Variants in CAPZB observed in about 807,000 individuals in gnomAD.
CAPZB encodes the protein capping actin protein of muscle Z-line subunit beta, also known as F-actin-capping protein subunit beta.
Under a neutral mutation model 38.1 loss-of-function variants are expected in CAPZB, and 2 were observed. The ratio of observed to expected loss-of-function variants is 0.05; its 90% confidence interval spans 0.02 to 0.17. CAPZB has a LOEUF of 0.17. CAPZB is among the 10% of genes least tolerant of loss of function. The pLI is 1.00. For missense variants in CAPZB, 161 were observed against 334.2 expected, an observed-to-expected ratio of 0.48 and a Z score of 4.04; for synonymous variants, 107 against 127.4, an observed-to-expected ratio of 0.84 and a Z score of 1.08.
Position 19,388,304 on chromosome 1 carries a change from T to G in CAPZB, c.94-2678A>C, listed in dbSNP as rs550086204. 1.8e-3 allele frequency among the ~76,000 whole-genome samples: 275 copies of G among 152,276 alleles called. 1 individual carries two copies. The highest frequency in any genetic ancestry group is 3.3e-3 in the Non-Finnish European group (223 of 68,026). ...ATGTAAGTTTTACTGGGGCAAGGAC[T>G]TCGATCTTACTCACTGCAGGATTCT... On this transcript the variant is annotated intron_variant, in intron 2 of 8. Transcript: ENST00000264202.
chr1:19,339,751 T>C, intron 8 of CAPZB, 134 bp from the exon 9 acceptor site: 2 of 740,024 alleles, frequency 2.7e-6, no homozygotes, highest in East Asian at 4.9e-5. Flanking sequence ...TCTGGGTCAC[T>C]GGGCTGGGCA....
intron 1 of CAPZB, among the ~76,000 whole-genome samples, chr1:19,432,183 T>G (rs1335895611): frequency 6.6e-6 from 1 of 151,102 alleles, no homozygotes; most frequent in Non-Finnish European, 1.5e-5. Context: ...TGGCTCACAT[T>G]TGTAATCCCA....
At chr1:19,480,260 C>CA (rs1558299874) in intron 1 of CAPZB, among the ~76,000 whole-genome samples, 1 of 152,162 alleles carries the variant, frequency 6.6e-6, no homozygotes, top group Non-Finnish European at 1.5e-5. Context: ...AGACATGCAA[C>CA]AACCACAGCT....
At chr1:19,445,510 T>TC (rs1213547771) in intron 1 of CAPZB, among the ~76,000 whole-genome samples, 3 of 152,044 alleles carry the variant, frequency 2.0e-5, no homozygotes, top group South Asian at 2.1e-4. Context: ...AAGTGAAACA[T>TC]CCCCCTGTGA....
intron 1 of CAPZB, chr1:19,449,123 A>G: frequency 7.1e-7 from 1 of 1,409,204 alleles, no homozygotes; most frequent in Non-Finnish European, 9.2e-7. Flanking sequence ...CATTGCCACA[A>G]AAACTCCTGA....
intron 2 of CAPZB, among the ~76,000 whole-genome samples, chr1:19,397,957 GGGGTCTGT>G (rs1205129091): frequency 4.6e-5 from 7 of 152,152 alleles, no homozygotes; most frequent in Non-Finnish European, 8.8e-5. Context: ...CAACAGCATC[GGGGTCTGT>G]GGGTTGATAT....
rs965175801 is a variant in CAPZB at position 19,461,097 on chromosome 1, G to T, written c.3+24339C>A. On this transcript the variant is annotated intron_variant, in intron 1 of 8. Coordinates refer to ENST00000264202, the MANE Select transcript of CAPZB (RefSeq NM_004930.5). ...CTCTTATTCACCCCTGGGCGGGGGCGGGGGGGGGAGGGGCGGGTTCCAGCA... is the reference window on the plus strand; with the variant it reads ...CTCTTATTCACCCCTGGGCGGGGGCTGGGGGGGGAGGGGCGGGTTCCAGCA... Among the ~76,000 whole-genome samples the T allele has an allele frequency of 4.0e-3, 43 of 10,684 alleles. No homozygotes were observed. The Non-Finnish European group carries it at 0.14, about 35-fold the overall frequency. The allele number at this position is 10,684 out of a possible 152,430, so 7.0% of individuals were successfully genotyped here. A position where few individuals can be genotyped will look rare whatever the true frequency, so the allele number is the denominator to read the frequency against.
intron 1 of CAPZB, among the ~76,000 whole-genome samples, chr1:19,438,863 G>A (rs779254710): frequency 2.5e-4 from 38 of 152,322 alleles, no homozygotes; most frequent in African/African-American, 9.1e-4. Flanking sequence ...CATTAGGAAC[G>A]GTCGCTCCCT....
chr1:19,368,052 A>G (rs956803763), intron 4 of CAPZB, among the ~76,000 whole-genome samples: 6 of 152,180 alleles, frequency 3.9e-5, no homozygotes, highest in Non-Finnish European at 4.4e-5. Flanking sequence ...CAAAGCTGCC[A>G]TTGTTGAGAA....
intron 1 of CAPZB, among the ~76,000 whole-genome samples, chr1:19,467,990 C>A (rs887931367): frequency 6.6e-6 from 1 of 152,176 alleles, no homozygotes; most frequent in Non-Finnish European, 1.5e-5. Context: ...GTAATCCCAA[C>A]ACTTTGAGAG....
chr1:19,393,994 T>C (rs989638167), intron 2 of CAPZB, among the ~76,000 whole-genome samples: 10 of 152,306 alleles, frequency 6.6e-5, no homozygotes, highest in Non-Finnish European at 1.2e-4. Context: ...CTGAGGGCCA[T>C]ATTTTTTTGT....
At chr1:19,464,193 G>A (rs944509721) in intron 1 of CAPZB, among the ~76,000 whole-genome samples, 2 of 149,006 alleles carry the variant, frequency 1.3e-5, no homozygotes, top group African/African-American at 5.0e-5. Flanking sequence ...TCGAAAAAGG[G>A]AAGAAAGAAA....
chr1:19,381,845 A>C (rs1022422849), intron 3 of CAPZB, among the ~76,000 whole-genome samples: 1 of 151,980 alleles, frequency 6.6e-6, no homozygotes, highest in Non-Finnish European at 1.5e-5. Context: ...AAAAACACCA[A>C]ATCAACAAAA....
At chr1:19,349,731 C>T (rs2093981620) in intron 6 of CAPZB, among the ~76,000 whole-genome samples, 1 of 152,136 alleles carries the variant, frequency 6.6e-6, no homozygotes, top group Non-Finnish European at 1.5e-5. Flanking sequence ...CCCCTCAGCC[C>T]ATGGCAGGGA....
At chr1:19,459,913 C>T (rs1318349634) in intron 1 of CAPZB, among the ~76,000 whole-genome samples, 1 of 152,158 alleles carries the variant, frequency 6.6e-6, no homozygotes, top group East Asian at 1.9e-4. Flanking sequence ...TCTTAGTGAT[C>T]ACACAGTTGC....
At chr1:19,422,511 C>T (rs192480171) in intron 1 of CAPZB, among the ~76,000 whole-genome samples, 8 of 152,146 alleles carry the variant, frequency 5.3e-5, no homozygotes, top group Non-Finnish European at 1.0e-4. Flanking sequence ...CCAAGGCGGG[C>T]GGATCATGAG....
intron 8 of CAPZB, among the ~76,000 whole-genome samples, chr1:19,340,966 A>C (rs750473600): frequency 3.3e-5 from 5 of 152,152 alleles, no homozygotes; most frequent in Non-Finnish European, 5.9e-5. Flanking sequence ...AATCAGAAAA[A>C]TCAATCCCCA....
At chr1:19,355,575 T>A (rs749461276) in intron 6 of CAPZB, among the ~76,000 whole-genome samples, 2 of 152,136 alleles carry the variant, frequency 1.3e-5, no homozygotes, top group Non-Finnish European at 2.9e-5. Context: ...AGCATAATTA[T>A]CTTACCGAAA....
chr1:19,387,637 A>G lies in CAPZB; in HGVS notation c.94-2011T>C, dbSNP rs183661896. 2.6e-5 allele frequency among the ~76,000 whole-genome samples: 4 copies of G among 152,294 alleles called. No homozygotes were observed. The East Asian group carries it at 7.7e-4, about 29-fold the overall frequency. ...GACACCATCAGCTCAATTTTTCCTC[A>G]ATTACAGTAGAGACTGAGCAAACAG... is the stretch of plus-strand genomic sequence containing the variant. On this transcript the variant is annotated intron_variant, in intron 2 of 8. Coordinates refer to ENST00000264202, the MANE Select transcript of CAPZB (RefSeq NM_004930.5).
Sources: allele counts gnomAD v4.1 joint callset (sites outside exome capture counted in the v4.1 genomes callset), GRCh38; gene constraint gnomAD v4.1.1; transcripts MANE v1.5; gene names NCBI Gene and HGNC (gene_info 2026-07-23, HGNC 2026-07-21).